The following RHOBTB3 variants were observed in gnomAD, a reference collection of about 807,000 sequenced individuals.
RHOBTB3 encodes rho-related BTB domain-containing protein 3.
Under a neutral mutation model 67.2 loss-of-function variants are expected in RHOBTB3, and 47 were observed. The observed-to-expected ratio is 0.70, with a 90% CI of 0.55 to 0.89. RHOBTB3 has a LOEUF of 0.89. Ranked by LOEUF, RHOBTB3 falls within the 40% of genes least tolerant of loss-of-function variation. The pLI is 0.00. For missense variants in RHOBTB3, 631 were observed against 750.0 expected (o/e 0.84, Z 1.85); for synonymous variants, 273 against 274.2 (o/e 1.00, Z 0.04).
At position 95,731,615 on chromosome 5, in the gene RHOBTB3, G is replaced by A. The variant is rs577117479; in HGVS notation, c.-68G>A. The A allele has an allele frequency of 9.4e-6, 15 of 1,601,012 alleles. No homozygotes were observed. Among genetic ancestry groups the A allele is most frequent in the South Asian group, 3.4e-5 (3 of 89,294 alleles). On this transcript the variant is annotated 5_prime_UTR_variant, in exon 1 of 12. Coordinates refer to ENST00000379982, the MANE Select transcript of RHOBTB3 (RefSeq NM_014899.4). Reference sequence around the variant, plus strand: ...CGGATTGCGGGTGAACTCGCCGCCCGGGGGCCCCGCGAAGCCGTGAGCCGC... The same window carrying A: ...CGGATTGCGGGTGAACTCGCCGCCCAGGGGCCCCGCGAAGCCGTGAGCCGC...
chr5:95,738,179 GTATATA>G (rs1580396334), intron 3 of RHOBTB3, among the ~76,000 whole-genome samples: 1 of 152,046 alleles, frequency 6.6e-6, no homozygotes, highest in African/African-American at 2.4e-5. Context: ...CAGAGGGCAG[GTATATA>G]TATAGCATTA....
chr5:95,738,036 C>T (rs1755495481), intron 3 of RHOBTB3, among the ~76,000 whole-genome samples: 1 of 152,126 alleles, frequency 6.6e-6, no homozygotes, highest in African/African-American at 2.4e-5. Flanking sequence ...GAGATTTGTC[C>T]ATGTTGTGTT....
chr5:95,752,242 G>T lies in RHOBTB3; in HGVS notation c.574G>T (p.Glu192Ter), dbSNP rs1745112042. The T allele has an allele frequency of 6.5e-7, 1 of 1,528,060 alleles. No homozygotes were observed. Among genetic ancestry groups the T allele is most frequent in the South Asian group, 1.2e-5 (1 of 83,862 alleles). 94.7% of individuals were successfully genotyped at this position (1,528,060 alleles called of 1,614,324 possible). The part of the protein sequence containing the change: ...YIGKYFGGVL[E>*]YFMIQALNQK... ...TAAAATTTGATTCCTGTTTTAGTTG[G>T]AGTATTTTATGATTCAAGCCTTAAA... is the stretch of plus-strand genomic sequence containing the variant. The change falls in exon 5 of 12, where the codon GAG (glutamate) becomes TAG (stop). Residue 192 changes from glutamate (E) to a stop codon, truncating the protein, a stop_gained. Coordinates refer to ENST00000379982, the MANE Select transcript of RHOBTB3 (RefSeq NM_014899.4). LOFTEE classifies it high-confidence loss of function.
intron 3 of RHOBTB3, among the ~76,000 whole-genome samples, chr5:95,739,255 C>T (rs1167716637): frequency 1.3e-5 from 2 of 152,180 alleles, no homozygotes; most frequent in Non-Finnish European, 2.9e-5. Context: ...TTAAGAAGCC[C>T]TTTTGCTTTT....
In RHOBTB3 at chr5:95,755,705, T is replaced by C. The variant is rs770527619; in HGVS notation, c.992T>C (p.Val331Ala). ...GGCAACCCACCATTACGAGTCATTG[T>C]TAAAGACGCCCTCTTCTGTTCTTGT... ...SSGNPPLRVI[V>A]KDALFCSCLS... The change falls in exon 6 of 12, where the codon GTT (valine) becomes GCT (alanine). Residue 331 changes from valine (V) to alanine (A), a missense_variant. Physicochemically the swap from Val to Ala is moderately conservative, Grantham distance 64. Transcript: ENST00000379982. 2 of 1,614,124 alleles carry C rather than the reference T, an allele frequency of 1.2e-6. No individual in the cohort carries two copies. Among genetic ancestry groups the C allele is most frequent in the East Asian group, 2.2e-5 (1 of 44,880 alleles).
chr5:95,755,359 A>G, intron 5 of RHOBTB3, 37 bp from the exon 6 acceptor site: 1 of 1,436,258 alleles, frequency 7.0e-7, no homozygotes, highest in Non-Finnish European at 9.2e-7. Flanking sequence ...GTAAACCTGA[A>G]AGGAGTTTAT....
At chr5:95,749,158 C>T (rs185314619) in intron 4 of RHOBTB3, among the ~76,000 whole-genome samples, 17 of 152,296 alleles carry the variant, frequency 1.1e-4, no homozygotes, top group African/African-American at 4.1e-4. Flanking sequence ...GACATAGAAA[C>T]TACATTTCCA....
At chr5:95,742,810 T>C (rs975230800) in intron 3 of RHOBTB3, among the ~76,000 whole-genome samples, 2 of 152,234 alleles carry the variant, frequency 1.3e-5, no homozygotes, top group South Asian at 2.1e-4. Flanking sequence ...CAGTGGCTCA[T>C]GCCTGTAATC....
At chr5:95,754,031 G>A (rs999478291) in intron 5 of RHOBTB3, among the ~76,000 whole-genome samples, 2 of 152,124 alleles carry the variant, frequency 1.3e-5, no homozygotes, top group African/African-American at 4.8e-5. Context: ...GCATGAACCA[G>A]GGTGGCAGAG....
At chr5:95,736,852 A>G in intron 2 of RHOBTB3, 37 bp from the exon 3 acceptor site, 1 of 1,352,446 alleles carries the variant, frequency 7.4e-7, no homozygotes. Context: ...ATTGGACGAT[A>G]AGTAGACTAA....
In RHOBTB3 at chr5:95,783,572, AAAAAAAAAAAAAAG is replaced by A; in HGVS notation, c.1457-222_1457-209del. The A allele has an allele frequency of 7.3e-5, 11 of 149,922 alleles. No individual in the cohort carries two copies. In the South Asian group the frequency reaches 2.1e-3, roughly 29 times the overall value. The allele number at this position is 149,922 out of a possible 1,614,324, so 9.3% of individuals were successfully genotyped here. A position where few individuals can be genotyped will look rare whatever the true frequency, so the allele number is the denominator to read the frequency against. ...GAGACCTGTCTCTACAAAAAAAAAA[AAAAAAAAAAAAAAG>A]AAGAAGAAGAAAGGAAAGAAAAAAA... On this transcript the variant is annotated intron_variant, in intron 9 of 11. Coordinates refer to ENST00000379982, the MANE Select transcript of RHOBTB3 (RefSeq NM_014899.4).
Position 95,739,443 on chromosome 5 carries a change from C to G in RHOBTB3, c.415+2368C>G, listed in dbSNP as rs1755540698. Among the ~76,000 whole-genome samples the G allele has an allele frequency of 2.0e-5, 3 of 152,002 alleles. No individual in the cohort carries two copies. The South Asian group carries it at 6.2e-4, about 32-fold the overall frequency. ...GGAGGTCCTTCATAAGGAAAAAAAC[C>G]CACAAAATAACAGATACATATATGT... On this transcript the variant is annotated intron_variant, in intron 3 of 11. Coordinates refer to ENST00000379982, the MANE Select transcript of RHOBTB3 (RefSeq NM_014899.4).
chr5:95,764,515 G>C (rs1201154259), intron 7 of RHOBTB3, among the ~76,000 whole-genome samples: 1 of 152,174 alleles, frequency 6.6e-6, no homozygotes, highest in Non-Finnish European at 1.5e-5. Context: ...ACTTGGTATT[G>C]TGTAGTCTGT....
At chr5:95,788,891 C>G (rs1746296334) in intron 11 of RHOBTB3, 33 bp downstream of exon 11, 1 of 1,262,530 alleles carries the variant, frequency 7.9e-7, no homozygotes, top group Non-Finnish European at 1.1e-6. Context: ...GAAAAGAAAA[C>G]TTTATGTTCT....
intron 9 of RHOBTB3, chr5:95,781,489 A>G (rs1746044899): frequency 6.6e-6 from 1 of 152,264 alleles, no homozygotes; most frequent in Admixed American, 6.5e-5. Flanking sequence ...TGTTGATTAA[A>G]TTAATTCTGG....
chr5:95,773,091 A>G (rs1463691854), intron 8 of RHOBTB3, among the ~76,000 whole-genome samples: 1 of 152,210 alleles, frequency 6.6e-6, no homozygotes, highest in African/African-American at 2.4e-5. Context: ...CACTGAAAAG[A>G]TTTTCGAAGG....
In RHOBTB3 at chr5:95,731,668, C is replaced by G. The variant is rs376934795; in HGVS notation, c.-15C>G. 6.2e-7 allele frequency: 1 copy of G among 1,613,354 alleles called. No individual in the cohort carries two copies. Reference sequence around the variant, plus strand: ...CTTTTCTCCGAGTCGCCGCCCTGCCCTTGGATTTGAGATCATGTACGTACG... The same window carrying G: ...CTTTTCTCCGAGTCGCCGCCCTGCCGTTGGATTTGAGATCATGTACGTACG... On this transcript the variant is annotated 5_prime_UTR_variant, in exon 1 of 12. Coordinates refer to ENST00000379982, the MANE Select transcript of RHOBTB3 (RefSeq NM_014899.4).
chr5:95,734,085 T>C (rs2112772761), intron 2 of RHOBTB3, among the ~76,000 whole-genome samples: 1 of 152,340 alleles, frequency 6.6e-6, no homozygotes, highest in East Asian at 1.9e-4. Flanking sequence ...TAGTAGATGC[T>C]CTATAAGTGG....
At chr5:95,768,745 A>C in intron 8 of RHOBTB3, among the ~76,000 whole-genome samples, 1 of 152,198 alleles carries the variant, frequency 6.6e-6, no homozygotes, top group Middle Eastern at 3.2e-3. Flanking sequence ...CTCTCTAAGA[A>C]AGTAAGACTA....
Sources: allele counts gnomAD v4.1 joint callset (sites outside exome capture counted in the v4.1 genomes callset), GRCh38; gene constraint gnomAD v4.1.1; transcripts MANE v1.5; gene names NCBI Gene and HGNC (gene_info 2026-07-23, HGNC 2026-07-21).